The following ANK1 variants were observed in gnomAD, a reference collection of about 807,000 sequenced individuals.
The protein encoded by ANK1 is ankyrin 1.
In ANK1, 51 loss-of-function variants were observed where a neutral mutation model predicts 210.4. That is an observed-to-expected ratio of 0.24 (90% CI 0.19 to 0.31). ANK1 has a LOEUF of 0.31. ANK1 is among the 10% of genes least tolerant of loss of function. The pLI, the probability that ANK1 is intolerant of heterozygous loss-of-function variation, is 1.00. For synonymous variants in ANK1, 967 were observed against 1,025.9 expected (o/e 0.94, Z 1.10); for missense variants, 2,051 against 2,504.4 (o/e 0.82, Z 3.86).
intron 1 of ANK1, among the ~76,000 whole-genome samples, chr8:41,768,416 G>A (rs1173375167): frequency 1.3e-5 from 2 of 152,190 alleles, no homozygotes; most frequent in Non-Finnish European, 2.9e-5. Context: ...GCGTTGGTGA[G>A]GAACTAGCAC....
intron 37 of ANK1, among the ~76,000 whole-genome samples, chr8:41,675,408 T>A (rs1813813601): frequency 6.6e-6 from 1 of 152,192 alleles, no homozygotes; most frequent in Non-Finnish European, 1.5e-5. Context: ...CTGAGCGTAT[T>A]TTTAGTGCAA....
At chr8:41,675,296 C>T (rs1474534163) in intron 37 of ANK1, among the ~76,000 whole-genome samples, 1 of 152,128 alleles carries the variant, frequency 6.6e-6, no homozygotes, top group Non-Finnish European at 1.5e-5. Context: ...GGGGTTTCAC[C>T]CTGTTGGCCA....
chr8:41,814,791 G>T (rs957774855), intron 1 of ANK1, among the ~76,000 whole-genome samples: 5 of 150,512 alleles, frequency 3.3e-5, no homozygotes, highest in Admixed American at 1.3e-4. Context: ...CTAGAATCAT[G>T]ACTGATTTAT....
At chr8:41,838,037 G>T (rs1344237018) in intron 1 of ANK1, among the ~76,000 whole-genome samples, 2 of 152,122 alleles carry the variant, frequency 1.3e-5, no homozygotes, top group African/African-American at 2.4e-5. Flanking sequence ...CCTGCCATTT[G>T]TGGTCCCTCC....
In ANK1 at chr8:41,791,330, C is replaced by A. The variant is rs1847657824; in HGVS notation, c.27+6182G>T. 2.0e-5 allele frequency among the ~76,000 whole-genome samples: 3 copies of A among 150,958 alleles called. No homozygotes were observed. In the South Asian group the frequency reaches 6.3e-4, roughly 32 times the overall value. Reference sequence around the variant, plus strand: ...GGGATTACAGGCGCCTACCACCATGCCTGGCTAATTTTTGTATTTTTAGAG... The same window carrying A: ...GGGATTACAGGCGCCTACCACCATGACTGGCTAATTTTTGTATTTTTAGAG... On this transcript the variant is annotated intron_variant, in intron 1 of 42. Coordinates refer to ENST00000289734, the MANE Select transcript of ANK1 (RefSeq NM_000037.4).
chr8:41,834,410 A>G (rs1807238110), intron 1 of ANK1, among the ~76,000 whole-genome samples: 1 of 152,240 alleles, frequency 6.6e-6, no homozygotes, highest in Non-Finnish European at 1.5e-5. Context: ...CGCGGCGCCC[A>G]TGTCGGAGGC....
In ANK1 at chr8:41,699,486, CCTT is replaced by C; in HGVS notation, c.2521_2523del (p.Lys841del). 6.2e-7 allele frequency: 1 copy of C among 1,614,186 alleles called. No homozygotes were observed. On this transcript the variant is annotated inframe_deletion, in exon 23 of 43. Coordinates refer to ENST00000289734, the MANE Select transcript of ANK1 (RefSeq NM_000037.4). ...AGCTTCGGCACAAAATCCAGCAGCT[CCTT>C]CTCTTCATCAACATCCCTGGAATCC...
chr8:41,668,688 A>G lies in ANK1; in HGVS notation c.5097-124T>C, dbSNP rs1377897575. ...GAGCTCTGGCTCATCAAGGACACAG[A>G]CCGTCCTCCCATCCCTCCAAAGGTC... is the stretch of plus-strand genomic sequence containing the variant. On this transcript the variant is annotated intron_variant, in intron 38 of 42. Coordinates refer to ENST00000289734, the MANE Select transcript of ANK1 (RefSeq NM_000037.4). 5 of 1,105,480 alleles carry G rather than the reference A, an allele frequency of 4.5e-6. No homozygotes were observed. In the Admixed American group the frequency reaches 1.0e-4, roughly 23 times the overall value. 68.5% of individuals were successfully genotyped at this position (1,105,480 alleles called of 1,614,324 possible).
At position 41,684,620 on chromosome 8, in the gene ANK1, G is replaced by A. The variant is rs370296287; in HGVS notation, c.4461C>T (p.Gly1487=). 247 of 1,613,726 alleles carry A rather than the reference G, an allele frequency of 1.5e-4. No individual in the cohort carries two copies. The highest frequency in any genetic ancestry group is 2.0e-4 in the Non-Finnish European group (240 of 1,180,024). ...GEIVNMLEGS[G]RQSRNLKPDR... is the part of the protein sequence containing the mutation. ...CTGGCTTCAAGTTGCGGCTCTGTCG[G>A]CCGGAACCCTCCAGCATGTTCACGA... The change falls in exon 37 of 43, where the codon GGC becomes GGT. Residue 1487 remains glycine, a synonymous_variant. Coordinates refer to ENST00000289734, the MANE Select transcript of ANK1 (RefSeq NM_000037.4).
chr8:41,882,570 G>A (rs899407627), intron 1 of ANK1, among the ~76,000 whole-genome samples: 3 of 152,304 alleles, frequency 2.0e-5, no homozygotes, highest in South Asian at 2.1e-4. Flanking sequence ...AGGGTGAACC[G>A]GGAGACTGAT....
intron 1 of ANK1, among the ~76,000 whole-genome samples, chr8:41,881,296 C>G (rs11984649): frequency 3.3e-5 from 5 of 152,098 alleles, no homozygotes; most frequent in African/African-American, 9.7e-5. Flanking sequence ...CAGCCACTTC[C>G]GAGAGGCAGA....
At chr8:41,845,050 T>A (rs533843069) in intron 1 of ANK1, among the ~76,000 whole-genome samples, 1 of 152,202 alleles carries the variant, frequency 6.6e-6, no homozygotes, top group Admixed American at 6.5e-5. Flanking sequence ...AAAGAGACAC[T>A]ACTCCTGAAA....
In ANK1 at chr8:41,663,879, G is replaced by T. The variant is rs901971534; in HGVS notation, c.5395-137C>A. 9 of 755,704 alleles carry T rather than the reference G, an allele frequency of 1.2e-5. No individual in the cohort carries two copies. In the Admixed American group the frequency reaches 1.4e-4, roughly 12 times the overall value. The allele number at this position is 755,704 out of a possible 1,614,324, so 46.8% of individuals were successfully genotyped here. On this transcript the variant is annotated intron_variant, in intron 39 of 42. Transcript: ENST00000289734. ...CTCCCCCAGCAGGAAACCCGGCTCA[G>T]CATGTAGCAGGAGCCATGCCAGGGC...
chr8:41,738,306 T>A (rs964679981), intron 2 of ANK1, among the ~76,000 whole-genome samples: 15 of 152,092 alleles, frequency 9.9e-5, no homozygotes, highest in Admixed American at 2.6e-4. Flanking sequence ...TGCACAAACA[T>A]CCAGACCCCA....
At chr8:41,797,974 G>A (rs779336509), upstream of ANK1, among the ~76,000 whole-genome samples, 4 of 151,734 alleles carry the variant, frequency 2.6e-5, no homozygotes, top group South Asian at 2.1e-4. The surrounding 1 kb of genome is among the most constrained non-coding windows in gnomAD (Gnocchi z 4.0). Context: ...CTGGGTGCAG[G>A]GGAAGCAATA....
Position 41,692,659 on chromosome 8 carries a change from T to G in ANK1, c.3847A>C (p.Arg1283=). 1 of 1,613,638 alleles carries G rather than the reference T, an allele frequency of 6.2e-7. No homozygotes were observed. The highest frequency in any genetic ancestry group is 8.5e-7 in the Non-Finnish European group (1 of 1,179,996). The change falls in exon 31 of 43, where the codon AGG becomes CGG. Residue 1283 remains arginine, a synonymous_variant. Coordinates refer to ENST00000289734, the MANE Select transcript of ANK1 (RefSeq NM_000037.4). ...CCCAGCCCTGTTACCTCTATGTCCC[T>G]GCTCCGGGCCACCTCCACGAAGTTC... ...HENFVEVARS[R]DIEVLEGMSL... is the part of the protein sequence containing the mutation.
At chr8:41,888,654 T>C (rs755406421) in intron 1 of ANK1, among the ~76,000 whole-genome samples, 2 of 152,214 alleles carry the variant, frequency 1.3e-5, no homozygotes, top group Non-Finnish European at 2.9e-5. Context: ...TATGAAGTGA[T>C]TATATAGAGA....
intron 15 of ANK1, 119 bp from the exon 16 acceptor site, chr8:41,714,373 A>G: frequency 1.3e-6 from 1 of 780,426 alleles, no homozygotes; most frequent in Admixed American, 3.2e-5. Flanking sequence ...AATCTTTCCC[A>G]GGCCAGTCTT....
At chr8:41,713,207 T>C (rs1432119568) in intron 16 of ANK1, among the ~76,000 whole-genome samples, 1 of 152,202 alleles carries the variant, frequency 6.6e-6, no homozygotes, top group Non-Finnish European at 1.5e-5. Flanking sequence ...GGATCTCCCA[T>C]AAATTATCCT....
Sources: gnomAD v4.1 joint callset for allele counts (sites outside exome capture counted in the v4.1 genomes callset) on GRCh38, gnomAD v4.1.1 for gene constraint, Gnocchi (gnomAD v3.1) non-coding constraint, MANE v1.5 for transcripts, NCBI Gene and HGNC (gene_info 2026-07-23, HGNC 2026-07-21) for gene names.